Variants in PYROXD1 observed in about 807,000 individuals in gnomAD.
The protein encoded by PYROXD1 is tRNA ligase complex-associated NAD(P)H dehydrogenase PYROXD1.
Under a neutral mutation model 62.0 loss-of-function variants are expected in PYROXD1, and 42 were observed. The ratio of observed to expected loss-of-function variants is 0.68; its 90% CI spans 0.53 to 0.88. The LOEUF (loss-of-function observed/expected upper bound fraction) is 0.88. Ranked by LOEUF, PYROXD1 falls within the 40% of genes least tolerant of loss-of-function variation. The pLI is 0.00. For synonymous variants in PYROXD1, 170 were observed against 206.4 expected, an observed-to-expected ratio of 0.82 and a Z score of 1.51; for missense variants, 493 against 604.8, an observed-to-expected ratio of 0.82 and a Z score of 1.94.
chr12:21,467,616 A>C lies in PYROXD1; in HGVS notation c.1252A>C (p.Lys418Gln), dbSNP rs149745224. Residue 418 changes from lysine (K) to glutamine (Q), a missense_variant and splice_region_variant, in exon 11 of 12, where the codon AAG becomes CAG. Physicochemically the swap from Lys to Gln is moderately conservative, Grantham distance 53. Coordinates refer to ENST00000240651, the MANE Select transcript of PYROXD1 (RefSeq NM_024854.5). Reference sequence around the variant, plus strand: ...TCATGTGACAAAATTTTTTAACTATAAGGTAAGATAGTTAAGCATATTAAT... The same window carrying C: ...TCATGTGACAAAATTTTTTAACTATCAGGTAAGATAGTTAAGCATATTAAT... Reference protein sequence around the residue: ...FAHVTKFFNYKVVLLGKYNAQ... With the variant: ...FAHVTKFFNYQVVLLGKYNAQ... 6.2e-7 allele frequency: 1 copy of C among 1,607,914 alleles called. No individual in the cohort carries two copies. Among genetic ancestry groups the C allele is most frequent in the Non-Finnish European group, 8.5e-7 (1 of 1,176,084 alleles).
chr12:21,449,778 T>G (rs1942458203), intron 4 of PYROXD1, 87 bp downstream of exon 4: 8 of 1,204,140 alleles, frequency 6.6e-6, no homozygotes, highest in Admixed American at 2.3e-5. Context: ...ATTCCTAAAC[T>G]GTAAGGGCAG....
intron 3 of PYROXD1, among the ~76,000 whole-genome samples, chr12:21,446,388 G>T (rs1446725816): frequency 6.6e-6 from 1 of 152,096 alleles, no homozygotes; most frequent in East Asian, 1.9e-4. Context: ...TCGCACCACT[G>T]CACTCCAGCC....
chr12:21,460,676 C>T (rs1326400510), intron 7 of PYROXD1, among the ~76,000 whole-genome samples: 4 of 152,094 alleles, frequency 2.6e-5, no homozygotes, highest in South Asian at 2.1e-4. Context: ...ACCTGCGCCT[C>T]GGCCTCCCAG....
chr12:21,463,692 CAAA>C (rs11325981), intron 10 of PYROXD1, among the ~76,000 whole-genome samples: 8 of 135,978 alleles, frequency 5.9e-5, no homozygotes, highest in Non-Finnish European at 6.2e-5. Context: ...AACTCTGTCT[CAAA>C]AAAAAAAAAA....
chr12:21,461,175 AAAT>A, intron 8 of PYROXD1, 21 bp downstream of exon 8: 5 of 1,436,664 alleles, frequency 3.5e-6, no homozygotes, highest in Non-Finnish European at 4.7e-6. Context: ...AAATAAGAAA[AAAT>A]ATATATAACC....
At chr12:21,455,369 T>G (rs1832149473) in intron 6 of PYROXD1, 77 bp downstream of exon 6, 2 of 890,658 alleles carry the variant, frequency 2.2e-6, no homozygotes, top group Non-Finnish European at 3.1e-6. Context: ...ACAAGAAAAT[T>G]TAATAAAATA....
At chr12:21,438,081 G>A in intron 1 of PYROXD1, 1 of 514,072 alleles carries the variant, frequency 1.9e-6, no homozygotes, top group South Asian at 2.6e-5. Flanking sequence ...TCCTTGTAAT[G>A]TCAGAGCAGA....
At chr12:21,444,815 G>A (rs1942356939) in intron 2 of PYROXD1, among the ~76,000 whole-genome samples, 1 of 152,204 alleles carries the variant, frequency 6.6e-6, no homozygotes, top group Admixed American at 6.5e-5. Context: ...CAAGCAGATA[G>A]TTTATAGGGT....
chr12:21,438,100 C>G, intron 1 of PYROXD1: 2 of 400,000 alleles, frequency 5.0e-6, no homozygotes, highest in Non-Finnish European at 4.4e-6. Flanking sequence ...GACATGAGGA[C>G]TTTGTATTTA....
chr12:21,471,197 A>T lies in PYROXD1; in HGVS notation c.*2443A>T. Reference sequence around the variant, plus strand: ...CTATATGCGCAGTAATTCTTAACACATTGACTTGAAATAATAAAATTTACA... The same window carrying T: ...CTATATGCGCAGTAATTCTTAACACTTTGACTTGAAATAATAAAATTTACA... On this transcript the variant is annotated 3_prime_UTR_variant, in exon 12 of 12. Transcript: ENST00000240651. The T allele has an allele frequency of 1.7e-6, 2 of 1,201,378 alleles. No individual in the cohort carries two copies. Among genetic ancestry groups the T allele is most frequent in the Non-Finnish European group, 2.3e-6 (2 of 872,284 alleles). 74.4% of individuals were successfully genotyped at this position (1,201,378 alleles called of 1,614,324 possible). A position where few individuals can be genotyped will look rare whatever the true frequency, so the allele number is the denominator to read the frequency against.
chr12:21,456,080 TAAAG>T lies in PYROXD1; in HGVS notation c.736_739del (p.Lys246GlufsTer17). On this transcript the variant is annotated frameshift_variant, in exon 7 of 12. Transcript: ENST00000240651. LOFTEE classifies it high-confidence loss of function. ...CAGATTGGCATGAAGGCTTGAATCTTAAAGGAACAAAAGAGGTATCTTTTCATAT... is the reference window on the plus strand; with the variant it reads ...CAGATTGGCATGAAGGCTTGAATCTTGAACAAAAGAGGTATCTTTTCATAT... 1 of 1,602,198 alleles carries T rather than the reference TAAAG, an allele frequency of 6.2e-7. No individual in the cohort carries two copies. Among genetic ancestry groups the T allele is most frequent in the Admixed American group, 1.7e-5 (1 of 59,242 alleles).
intron 2 of PYROXD1, among the ~76,000 whole-genome samples, chr12:21,441,713 T>G (rs1412901832): frequency 6.7e-6 from 1 of 149,910 alleles, no homozygotes; most frequent in African/African-American, 2.5e-5. Flanking sequence ...TGAAGTTCCT[T>G]CAGCTTCTTT....
intron 2 of PYROXD1, among the ~76,000 whole-genome samples, chr12:21,442,086 G>C (rs1942305928): frequency 6.6e-6 from 1 of 152,218 alleles, no homozygotes; most frequent in African/African-American, 2.4e-5. Flanking sequence ...GCTGCTAATA[G>C]CCTCCCAATC....
At chr12:21,437,893 T>A in intron 1 of PYROXD1, 79 bp downstream of exon 1, 2 of 1,270,098 alleles carry the variant, frequency 1.6e-6, no homozygotes, top group Non-Finnish European at 2.2e-6. Flanking sequence ...TCCCACCCCC[T>A]CCCTTTTTCT....
intron 10 of PYROXD1, among the ~76,000 whole-genome samples, chr12:21,465,119 G>T (rs1202949516): frequency 6.6e-6 from 1 of 152,026 alleles, no homozygotes; most frequent in East Asian, 1.9e-4. Flanking sequence ...GAATAGTGCC[G>T]CTATAAACAT....
At chr12:21,438,293 C>G (rs1942231326) in intron 1 of PYROXD1, 1 of 154,018 alleles carries the variant, frequency 6.5e-6, no homozygotes, top group South Asian at 2.0e-4. Flanking sequence ...CGCCAGCCAC[C>G]ACGCCCCGCT....
At chr12:21,459,882 C>G (rs975218009) in intron 7 of PYROXD1, among the ~76,000 whole-genome samples, 2 of 152,186 alleles carry the variant, frequency 1.3e-5, no homozygotes, top group South Asian at 4.1e-4. Context: ...GTGAATACTC[C>G]TGTCCTATTT....
intron 7 of PYROXD1, among the ~76,000 whole-genome samples, chr12:21,459,869 A>G (rs1297373391): frequency 6.6e-6 from 1 of 152,216 alleles, no homozygotes; most frequent in Non-Finnish European, 1.5e-5. Flanking sequence ...TACCCAGACT[A>G]CAGTGAATAC....
intron 1 of PYROXD1, among the ~76,000 whole-genome samples, chr12:21,439,267 A>G (rs1385659238): frequency 6.6e-6 from 1 of 152,212 alleles, no homozygotes; most frequent in Non-Finnish European, 1.5e-5. Context: ...ATTAGTTACA[A>G]TGTATTTGTG....
Sources: allele counts gnomAD v4.1 joint callset (sites outside exome capture counted in the v4.1 genomes callset), GRCh38; gene constraint gnomAD v4.1.1; transcripts MANE v1.5; gene names NCBI Gene and HGNC (gene_info 2026-07-23, HGNC 2026-07-21).